The following SH3PXD2B variants were observed in gnomAD, a reference collection of about 807,000 sequenced individuals.
The protein encoded by SH3PXD2B is SH3 and PX domains 2B, also known as SH3 and PX domain-containing protein 2B.
A neutral mutation model predicts 73.1 loss-of-function variants in SH3PXD2B; 37 were observed. That is an observed-to-expected ratio of 0.51 (90% CI 0.39 to 0.67). The LOEUF is 0.67. Among genes scored for constraint, SH3PXD2B ranks in the 30% least tolerant of loss-of-function variants. The pLI is 0.00. For missense variants in SH3PXD2B, 1,053 were observed against 1,197.8 expected (o/e 0.88, Z 1.78); for synonymous variants, 457 against 480.5 (o/e 0.95, Z 0.64).
At chr5:172,388,798 C>T (rs1758109045) in intron 4 of SH3PXD2B, among the ~76,000 whole-genome samples, 1 of 152,158 alleles carries the variant, frequency 6.6e-6, no homozygotes, top group South Asian at 2.1e-4. Flanking sequence ...CAAGGTGACC[C>T]TATAGTCCTT....
chr5:172,450,456 A>G (rs1166112677), intron 1 of SH3PXD2B, among the ~76,000 whole-genome samples: 2 of 152,154 alleles, frequency 1.3e-5, no homozygotes, highest in African/African-American at 4.8e-5. Flanking sequence ...ATAGATAGCT[A>G]TTTTATTCTA....
Position 172,333,890 on chromosome 5 carries a change from A to C in SH3PXD2B, c.*4479T>G. The C allele has an allele frequency of 8.6e-6, 11 of 1,272,872 alleles. No individual in the cohort carries two copies. The highest frequency in any genetic ancestry group is 1.1e-5 in the Non-Finnish European group (11 of 984,888). 78.8% of individuals were successfully genotyped at this position (1,272,872 alleles called of 1,614,324 possible). A position where few individuals can be genotyped will look rare whatever the true frequency, so the allele number is the denominator to read the frequency against. On this transcript the variant is annotated 3_prime_UTR_variant, in exon 13 of 13. Transcript: ENST00000311601. ...CTAAGTGAAAGGGGCGCTAACAATA[A>C]TTACACGGGCACAAAGGCATACATG...
At position 172,373,792 on chromosome 5, in the gene SH3PXD2B, G is replaced by T; in HGVS notation, c.425C>A (p.Ser142Tyr). ...AAGAAAATAGAAAATATTCTTACCA[G>T]ATTTCTTTTTCCCAATGTGCTCCCT... ...PKEEHIGKKKSGGDQTSVDPM... is the reference protein window; with the variant it reads ...PKEEHIGKKKYGGDQTSVDPM... Residue 142 changes from serine (S) to tyrosine (Y), a missense_variant and splice_region_variant, in exon 6 of 13, where the codon TCT becomes TAT. Physicochemically the swap from Ser to Tyr is moderately radical, Grantham distance 144. Transcript: ENST00000311601. 6.2e-7 allele frequency: 1 copy of T among 1,613,868 alleles called. No individual in the cohort carries two copies. Among genetic ancestry groups the T allele is most frequent in the African/African-American group, 1.3e-5 (1 of 75,038 alleles).
At chr5:172,396,389 G>A (rs1187599531) in intron 3 of SH3PXD2B, among the ~76,000 whole-genome samples, 2 of 150,560 alleles carry the variant, frequency 1.3e-5, no homozygotes, top group African/African-American at 4.9e-5. Context: ...AAAAAAAAAA[G>A]AGGCTAGTAT....
intron 1 of SH3PXD2B, among the ~76,000 whole-genome samples, chr5:172,433,438 AT>A (rs1759299317): frequency 6.6e-6 from 1 of 152,020 alleles, no homozygotes; most frequent in Non-Finnish European, 1.5e-5. Context: ...TATATTCCAG[AT>A]TTTTTACACT....
chr5:172,450,668 G>A (rs561148036), intron 1 of SH3PXD2B, among the ~76,000 whole-genome samples: 3 of 152,126 alleles, frequency 2.0e-5, no homozygotes, highest in South Asian at 2.1e-4. Context: ...TCCTGCTGCC[G>A]AGACACTAAT....
In SH3PXD2B at chr5:172,445,510, C is replaced by T. The variant is rs1759641948; in HGVS notation, c.75+8768G>A. ...CAGGCGTGAACTCCCATGCCCAGCC[C>T]TTATAATGAAGGCTTCTTGGTGGTG... is the stretch of plus-strand genomic sequence containing the variant. On this transcript the variant is annotated intron_variant, in intron 1 of 12. Coordinates refer to ENST00000311601, the MANE Select transcript of SH3PXD2B (RefSeq NM_001017995.3). The surrounding 1 kb of genome is among the most constrained non-coding windows in gnomAD (Gnocchi z 5.2). Among the ~76,000 whole-genome samples, 4 of 152,148 alleles carry T rather than the reference C, an allele frequency of 2.6e-5. No individual in the cohort carries two copies. The South Asian group carries it at 8.3e-4, about 32-fold the overall frequency.
intron 2 of SH3PXD2B, among the ~76,000 whole-genome samples, chr5:172,415,404 T>C (rs940898580): frequency 2.0e-5 from 3 of 152,116 alleles, no homozygotes; most frequent in African/African-American, 4.8e-5. Flanking sequence ...TATCTTTCAA[T>C]AGGCAGATTG....
At chr5:172,330,642 A>T (rs1444486326), downstream of SH3PXD2B, among the ~76,000 whole-genome samples, 1 of 152,194 alleles carries the variant, frequency 6.6e-6, no homozygotes, top group African/African-American at 2.4e-5. Flanking sequence ...TTATTTCCAA[A>T]TTCCTATCGA....
intron 2 of SH3PXD2B, among the ~76,000 whole-genome samples, chr5:172,414,197 A>G (rs915704823): frequency 5.9e-5 from 9 of 152,152 alleles, no homozygotes; most frequent in Non-Finnish European, 2.9e-5. Flanking sequence ...GGCCGGGCGC[A>G]GTGGCTCACG....
Position 172,339,374 on chromosome 5 carries a change from C to T in SH3PXD2B, c.1731G>A (p.Arg577=). ...TGCTTTTGTCAGGTTTGGGCTCTGG[C>T]CTCCTGCTGTCCCGGGCTGGAGGGA... ...KHIPPARDSR[R]PEPKPDKSRL... The change falls in exon 13 of 13, where the codon AGG becomes AGA. Residue 577 remains arginine (R), a synonymous_variant. Coordinates refer to ENST00000311601, the MANE Select transcript of SH3PXD2B (RefSeq NM_001017995.3). This position sits in a 1 kb window ranked among gnomAD's most constrained non-coding sequence, Gnocchi z 6.1. 2 of 1,614,196 alleles carry T rather than the reference C, an allele frequency of 1.2e-6. No homozygotes were observed. Among genetic ancestry groups the T allele is most frequent in the Non-Finnish European group, 1.7e-6 (2 of 1,180,032 alleles).
At chr5:172,328,404 G>A (rs913074969) in intron 12 of SH3PXD2B, among the ~76,000 whole-genome samples, 13 of 151,914 alleles carry the variant, frequency 8.6e-5, no homozygotes, top group East Asian at 3.9e-4. Flanking sequence ...GCACCCAGCC[G>A]CCTAGGCTGA....
chr5:172,382,574 C>CACAT (rs1281525691), intron 4 of SH3PXD2B, among the ~76,000 whole-genome samples: 1 of 151,966 alleles, frequency 6.6e-6, no homozygotes, highest in East Asian at 1.9e-4. Flanking sequence ...CACACACACA[C>CACAT]ACACACAATG....
intron 4 of SH3PXD2B, among the ~76,000 whole-genome samples, chr5:172,383,852 CTTTT>C (rs113181175): frequency 1.5e-5 from 2 of 135,302 alleles, no homozygotes; most frequent in African/African-American, 5.1e-5. Flanking sequence ...TTCTTTCTTT[CTTTT>C]TTTTTTTTTG....
At chr5:172,405,388 T>C (rs573658659) in intron 3 of SH3PXD2B, among the ~76,000 whole-genome samples, 1 of 152,364 alleles carries the variant, frequency 6.6e-6, no homozygotes, top group East Asian at 1.9e-4. Flanking sequence ...TATGAGTCCT[T>C]AAAAGCAGAC....
chr5:172,407,916 C>A (rs1410930180), intron 2 of SH3PXD2B, among the ~76,000 whole-genome samples: 4 of 152,190 alleles, frequency 2.6e-5, no homozygotes, highest in Admixed American at 2.0e-4. Flanking sequence ...AGCGGAGGGG[C>A]CAGAGACTGA....
At chr5:172,447,567 C>G (rs1759698581) in intron 1 of SH3PXD2B, among the ~76,000 whole-genome samples, 1 of 152,192 alleles carries the variant, frequency 6.6e-6, no homozygotes, top group African/African-American at 2.4e-5. Context: ...GAAATTGGAA[C>G]TATTTTTATC....
At chr5:172,358,558 G>T (rs925123741) in intron 8 of SH3PXD2B, among the ~76,000 whole-genome samples, 24 of 152,210 alleles carry the variant, frequency 1.6e-4, no homozygotes, top group Admixed American at 1.0e-3. Context: ...GCTCACATAG[G>T]TTGCTACCAA....
At chr5:172,435,508 G>A (rs1427507071) in intron 1 of SH3PXD2B, among the ~76,000 whole-genome samples, 1 of 151,980 alleles carries the variant, frequency 6.6e-6, no homozygotes, top group Non-Finnish European at 1.5e-5. Flanking sequence ...CAGCAGCCTC[G>A]AATTCCCAGG....
Sources: gnomAD v4.1 joint callset for allele counts (sites outside exome capture counted in the v4.1 genomes callset) on GRCh38, gnomAD v4.1.1 for gene constraint, Gnocchi (gnomAD v3.1) non-coding constraint, MANE v1.5 for transcripts, NCBI Gene and HGNC (gene_info 2026-07-23, HGNC 2026-07-21) for gene names.